The following DNHD1 variants were observed in gnomAD, a reference collection of about 807,000 sequenced individuals.
DNHD1 encodes dynein heavy chain domain-containing protein 1.
Under a neutral mutation model 458.1 loss-of-function variants are expected in DNHD1, and 383 were observed. That is an observed-to-expected ratio of 0.84 (90% CI 0.77 to 0.91). DNHD1 has a LOEUF of 0.91. Among genes scored for constraint, DNHD1 ranks in the 40% least tolerant of loss-of-function variants. The pLI is 0.00. For synonymous variants in DNHD1, 2,203 were observed against 2,376.9 expected (o/e 0.93, Z 2.13); for missense variants, 5,336 against 5,866.1 (o/e 0.91, Z 2.95).
rs772006811 is a variant in DNHD1 at position 6,528,657 on chromosome 11, G to C, written c.1973G>C (p.Gly658Ala). Residue 658 changes from glycine (G) to alanine (A), a missense_variant, in exon 11 of 43, where the codon GGT becomes GCT. By Grantham distance (60) the Gly-to-Ala change is moderately conservative (BLOSUM62 0). Transcript: ENST00000254579. ...CCCTGGAAGTCTCACCCAATTGCTG[G>C]TATCTTGGAGGTCCGTGGATGTCGG... is the stretch of plus-strand genomic sequence containing the variant. ...VWPWKSHPIA[G>A]ILEVRGCRLR... 1.3e-6 allele frequency: 2 copies of C among 1,551,720 alleles called. No individual in the cohort carries two copies. The highest frequency in any genetic ancestry group is 3.9e-5 in the Admixed American group (2 of 51,010).
chr11:6,559,377 G>A, intron 28 of DNHD1, 94 bp downstream of exon 28: 1 of 1,059,826 alleles, frequency 9.4e-7, no homozygotes, highest in Non-Finnish European at 1.4e-6. Flanking sequence ...CTTAATTCTT[G>A]TCCCCCTAAG....
At chr11:6,547,841 G>C in intron 21 of DNHD1, 22 bp from the exon 22 acceptor site, 1 of 1,550,826 alleles carries the variant, frequency 6.4e-7, no homozygotes. Flanking sequence ...GGCTCCTCTC[G>C]TGGCCATGGC....
At chr11:6,536,930 A>T (rs1446157472) in intron 14 of DNHD1, among the ~76,000 whole-genome samples, 1 of 152,154 alleles carries the variant, frequency 6.6e-6, no homozygotes, top group Non-Finnish European at 1.5e-5. Context: ...ATTTACTGTC[A>T]TTTTACTTTT....
At chr11:6,561,698 A>G (rs889368945) in intron 28 of DNHD1, among the ~76,000 whole-genome samples, 3 of 152,244 alleles carry the variant, frequency 2.0e-5, no homozygotes, top group African/African-American at 7.2e-5. Context: ...CTAACTGTAT[A>G]AACAAATGAA....
At chr11:6,543,994 A>AAAAGAC (rs1374698941) in intron 18 of DNHD1, 127 bp from the exon 19 acceptor site, 1 of 842,684 alleles carries the variant, frequency 1.2e-6, no homozygotes, top group Non-Finnish European at 1.8e-6. Context: ...AAGGGAAAGA[A>AAAAGAC]AAAGACAGAA....
At chr11:6,512,890 T>G (rs1030497006) in intron 7 of DNHD1, among the ~76,000 whole-genome samples, 2 of 152,158 alleles carry the variant, frequency 1.3e-5, no homozygotes, top group Non-Finnish European at 2.9e-5. Context: ...TTGCACTGAT[T>G]GGACTCTTCA....
chr11:6,568,334 C>T (rs954762406), intron 37 of DNHD1, 92 bp downstream of exon 37: 10 of 1,553,564 alleles, frequency 6.4e-6, no homozygotes, highest in Admixed American at 3.7e-5. Flanking sequence ...TGACCTAGCA[C>T]CAAACTTGTC....
At position 6,528,957 on chromosome 11, in the gene DNHD1, G is replaced by A. The variant is rs1347132003; in HGVS notation, c.2183G>A (p.Gly728Glu). ...TGIYEFLQSWGPQKLEDMRGG... is the reference protein window; with the variant it reads ...TGIYEFLQSWEPQKLEDMRGG... ...ATTTATGAATTCCTGCAATCCTGGG[G>A]GCCTCAGAAGCTGGAAGACATGAGA... The change falls in exon 12 of 43, where the codon GGG (glycine) becomes GAG (glutamate). Residue 728 changes from glycine to glutamate, a missense_variant. Physicochemically the swap from Gly to Glu is moderately conservative, Grantham distance 98. Coordinates refer to ENST00000254579, the MANE Select transcript of DNHD1 (RefSeq NM_144666.3). 5 of 1,551,686 alleles carry A rather than the reference G, an allele frequency of 3.2e-6. No homozygotes were observed. The Admixed American group carries it at 7.8e-5, about 24-fold the overall frequency.
intron 12 of DNHD1, among the ~76,000 whole-genome samples, chr11:6,529,367 G>C (rs866665753): frequency 1.3e-5 from 2 of 152,130 alleles, no homozygotes; most frequent in Admixed American, 6.5e-5. Context: ...ATGTTCCTGT[G>C]CTTGGGCTAC....
rs186892220 is a variant in DNHD1, at chr11:6,513,079, G to A, written c.1392+1650G>A. ...CTTCCAGACAATAAATGCTGGACCT[G>A]CCATTGTACCAAGCTGAATGAGGCA... On this transcript the variant is annotated intron_variant, in intron 7 of 42. Coordinates refer to ENST00000254579, the MANE Select transcript of DNHD1 (RefSeq NM_144666.3). 3.7e-4 allele frequency among the ~76,000 whole-genome samples: 57 copies of A among 152,218 alleles called. 1 individual carries two copies. Among genetic ancestry groups the A allele is most frequent in the African/African-American group, 1.3e-3 (54 of 41,538 alleles).
chr11:6,565,418 T>C (rs1474235074), intron 32 of DNHD1, among the ~76,000 whole-genome samples: 2 of 152,304 alleles, frequency 1.3e-5, no homozygotes, highest in East Asian at 1.9e-4. Context: ...AGAGTAATAA[T>C]TGTGATAGCC....
chr11:6,556,125 A>T (rs2134443463), intron 24 of DNHD1, among the ~76,000 whole-genome samples: 1 of 152,178 alleles, frequency 6.6e-6, no homozygotes, highest in African/African-American at 2.4e-5. Flanking sequence ...AGCACACATC[A>T]CCAGGCCCAG....
At chr11:6,560,122 A>T (rs1853555877) in intron 28 of DNHD1, among the ~76,000 whole-genome samples, 1 of 152,214 alleles carries the variant, frequency 6.6e-6, no homozygotes, top group Non-Finnish European at 1.5e-5. Context: ...AATAAGAAGA[A>T]TTCTAAAATA....
At chr11:6,550,085 T>C (rs1198307528) in intron 24 of DNHD1, among the ~76,000 whole-genome samples, 6 of 152,218 alleles carry the variant, frequency 3.9e-5, no homozygotes, top group Non-Finnish European at 7.3e-5. Flanking sequence ...TACTTAATAA[T>C]AGCCAGTACA....
chr11:6,565,633 T>G (rs1376906621), intron 32 of DNHD1, 62 bp from the exon 33 acceptor site: 6 of 1,438,198 alleles, frequency 4.2e-6, no homozygotes, highest in Non-Finnish European at 5.5e-6. Flanking sequence ...TTCAGTGAAT[T>G]CCTCCCCTAA....
rs1333212588 is a variant in DNHD1, at chr11:6,498,976, C to T, written c.746+15C>T. On this transcript the variant is annotated intron_variant, in intron 3 of 42. Coordinates refer to ENST00000254579, the MANE Select transcript of DNHD1 (RefSeq NM_144666.3). ...AAAGAGACCAGGTAAGTGAGGGACT[C>T]AGTCTAGGGCTTGAGCAGAGGAGAA... The T allele has an allele frequency of 6.4e-7, 1 of 1,571,200 alleles. No homozygotes were observed. The highest frequency in any genetic ancestry group is 1.9e-5 in the Admixed American group (1 of 52,898).
In DNHD1 at chr11:6,548,831, G is replaced by A. The variant is rs1260540986; in HGVS notation, c.7285G>A (p.Gly2429Arg). Reference sequence around the variant, plus strand: ...CCACCTCCGTCTCCTGCTGAGCAGAGGAATCCAGGGCCAAACACAAGCCAG... The same window carrying A: ...CCACCTCCGTCTCCTGCTGAGCAGAAGAATCCAGGGCCAAACACAAGCCAG... ...SSHLRLLLSR[G>R]IQGQTQASPQ... Residue 2429 changes from glycine to arginine, a missense_variant, in exon 24 of 43, where the codon GGA (glycine) becomes AGA (arginine). By Grantham distance (125) the Gly-to-Arg change is moderately radical. Transcript: ENST00000254579. This position sits in a 1 kb window ranked among gnomAD's most constrained non-coding sequence, Gnocchi z 4.4. 6.4e-7 allele frequency: 1 copy of A among 1,551,666 alleles called. No individual in the cohort carries two copies. Among genetic ancestry groups the A allele is most frequent in the Non-Finnish European group, 8.7e-7 (1 of 1,146,988 alleles).
Position 6,539,922 on chromosome 11 carries a change from G to A in DNHD1, c.3467G>A (p.Arg1156Gln), listed in dbSNP as rs754081536. 29 of 1,551,606 alleles carry A rather than the reference G, an allele frequency of 1.9e-5. No individual in the cohort carries two copies. The highest frequency in any genetic ancestry group is 4.8e-5 in the South Asian group (4 of 84,066). ...CGAATTCATGCCCAAGAGACTATAC[G>A]GCGGTTGCAGCGGTACTGGGAAGCG... ...NERIHAQETI[R>Q]RLQRYWEARQ... The change falls in exon 18 of 43, where the codon CGG becomes CAG. Residue 1156 changes from arginine to glutamine, a missense_variant. Around this residue, in one of 4 missense-constraint regions of DNHD1, gnomAD observed 3,932 missense variants for 4,365.6 expected, o/e 0.90. Coordinates refer to ENST00000254579, the MANE Select transcript of DNHD1 (RefSeq NM_144666.3).
chr11:6,498,732 A>G lies in DNHD1; in HGVS notation c.517A>G (p.Ser173Gly). ...PACPFVQAQW[S>G]RQQVKEELAT... ...TTGCCCTTTTGTGCAGGCCCAGTGG[A>G]GCAGGCAGCAAGTAAAGGAGGAGCT... Residue 173 changes from serine (S) to glycine (G), a missense_variant, in exon 3 of 43, where the codon AGC (serine) becomes GGC (glycine). Coordinates refer to ENST00000254579, the MANE Select transcript of DNHD1 (RefSeq NM_144666.3). 1 of 1,614,170 alleles carries G rather than the reference A, an allele frequency of 6.2e-7. No individual in the cohort carries two copies. The highest frequency in any genetic ancestry group is 1.3e-5 in the African/African-American group (1 of 75,064).
Sources: gnomAD v4.1 joint callset for allele counts (sites outside exome capture counted in the v4.1 genomes callset) on GRCh38, gnomAD v4.1.1 for gene constraint, gnomAD v4.1.1 regional missense constraint, Gnocchi (gnomAD v3.1) non-coding constraint, MANE v1.5 for transcripts, NCBI Gene and HGNC (gene_info 2026-07-23, HGNC 2026-07-21) for gene names.